The following MACROD2 variants were observed in gnomAD, a reference collection of about 807,000 sequenced individuals.
MACROD2 encodes mono-ADP ribosylhydrolase 2.
Under a neutral mutation model 70.4 loss-of-function variants are expected in MACROD2, and 36 were observed. The observed-to-expected ratio is 0.51, with a 90% CI of 0.39 to 0.68. The LOEUF is 0.68. Among genes scored for constraint, MACROD2 ranks in the 30% least tolerant of loss-of-function variants. The probability of loss-of-function intolerance (pLI) is 0.00; values close to 1 mark genes in which losing one functional copy is unlikely to be tolerated. For synonymous variants in MACROD2, 172 were observed against 178.8 expected, an observed-to-expected ratio of 0.96 and a Z score of 0.30; for missense variants, 496 against 538.4, an observed-to-expected ratio of 0.92 and a Z score of 0.78.
intron 3 of MACROD2, among the ~76,000 whole-genome samples, chr20:14,464,285 T>G (rs970566033): frequency 2.0e-5 from 3 of 152,108 alleles, no homozygotes; most frequent in African/African-American, 7.3e-5. Context: ...GTCGAGGAAT[T>G]TATCCATTTC....
At chr20:14,289,515 G>T (rs896927245) in intron 3 of MACROD2, among the ~76,000 whole-genome samples, 4 of 152,096 alleles carry the variant, frequency 2.6e-5, no homozygotes, top group Non-Finnish European at 5.9e-5. Flanking sequence ...AACTAACATT[G>T]ATTCAATGCT....
chr20:14,463,642 C>G (rs1407807688), intron 3 of MACROD2, among the ~76,000 whole-genome samples: 1 of 152,030 alleles, frequency 6.6e-6, no homozygotes, highest in African/African-American at 2.4e-5. Flanking sequence ...CCAGTTTTTG[C>G]CCATTCAGTA....
Position 15,962,260 on chromosome 20 carries a change from A to T in MACROD2, c.908-5293A>T, listed in dbSNP as rs77266439. Reference sequence around the variant, plus strand: ...GGAAGAGTGGGAACATTTACAAAGAAGTGTTGCTGGAACAAAGAGATAATT... The same window carrying T: ...GGAAGAGTGGGAACATTTACAAAGATGTGTTGCTGGAACAAAGAGATAATT... On this transcript the variant is annotated intron_variant, in intron 12 of 17. Transcript: ENST00000684519. 5.5e-4 allele frequency among the ~76,000 whole-genome samples: 84 copies of T among 152,332 alleles called. No homozygotes were observed. In the East Asian group the frequency reaches 0.011, roughly 20 times the overall value.
At chr20:15,985,582 C>T (rs1368029776) in intron 13 of MACROD2, among the ~76,000 whole-genome samples, 1 of 152,222 alleles carries the variant, frequency 6.6e-6, no homozygotes, top group African/African-American at 2.4e-5. Context: ...CGGGGGCCTG[C>T]TATGCGCTGC....
intron 8 of MACROD2, among the ~76,000 whole-genome samples, chr20:15,819,296 A>T (rs1453525290): frequency 7.3e-6 from 1 of 137,434 alleles, no homozygotes; most frequent in African/African-American, 2.9e-5. Context: ...TTTATATATA[A>T]GTATATAAAT....
chr20:16,003,509 T>G (rs541205389), intron 15 of MACROD2, among the ~76,000 whole-genome samples: 1 of 152,192 alleles, frequency 6.6e-6, no homozygotes, highest in Non-Finnish European at 1.5e-5. Context: ...CTGCTTAGTC[T>G]GCCAGTAACC....
intron 3 of MACROD2, among the ~76,000 whole-genome samples, chr20:14,189,772 A>G (rs1211954032): frequency 1.3e-5 from 2 of 152,198 alleles, no homozygotes; most frequent in Non-Finnish European, 2.9e-5. Flanking sequence ...AGATCTCTCA[A>G]CTGTATTCTA....
chr20:15,771,541 T>C (rs1327363141), intron 8 of MACROD2, among the ~76,000 whole-genome samples: 2 of 151,234 alleles, frequency 1.3e-5, no homozygotes, highest in Non-Finnish European at 2.9e-5. Flanking sequence ...CTAAATTTTC[T>C]ATTTAAAAAA....
At chr20:14,929,943 T>C (rs353143) in intron 5 of MACROD2, among the ~76,000 whole-genome samples, 6,598 of 151,936 alleles carry the variant, frequency 0.043, 181 homozygotes, top group Non-Finnish European at 0.063. Flanking sequence ...AGGCGGATCA[T>C]GAGGTCAGGA....
chr20:14,650,633 A>G (rs1451335146), intron 4 of MACROD2, among the ~76,000 whole-genome samples: 2 of 152,200 alleles, frequency 1.3e-5, no homozygotes, highest in African/African-American at 4.8e-5. Context: ...AAACAGCTGG[A>G]TGTTCTTCTG....
At chr20:14,535,505 CAAAAAAA>C (rs11357982) in intron 4 of MACROD2, among the ~76,000 whole-genome samples, 2 of 62,998 alleles carry the variant, frequency 3.2e-5, no homozygotes, top group Non-Finnish European at 5.9e-5. Context: ...AACTCCGTCT[CAAAAAAA>C]AAAAAAAAAA....
chr20:15,143,162 C>T (rs1326419398), intron 5 of MACROD2, among the ~76,000 whole-genome samples: 4 of 152,172 alleles, frequency 2.6e-5, no homozygotes, highest in Admixed American at 1.3e-4. Flanking sequence ...TCCACATCCT[C>T]TCCAGCACCT....
chr20:15,830,423 C>T (rs557468110), intron 8 of MACROD2, among the ~76,000 whole-genome samples: 12 of 152,248 alleles, frequency 7.9e-5, no homozygotes, highest in African/African-American at 2.6e-4. Context: ...ATTCCATAGC[C>T]AGGGTTTTAT....
intron 8 of MACROD2, among the ~76,000 whole-genome samples, chr20:15,512,910 G>T (rs1400361588): frequency 6.6e-6 from 1 of 152,222 alleles, no homozygotes; most frequent in Non-Finnish European, 1.5e-5. Context: ...ATTTGACAGT[G>T]CAAATGGAGC....
At chr20:14,244,609 T>C (rs2081954826) in intron 3 of MACROD2, among the ~76,000 whole-genome samples, 1 of 152,210 alleles carries the variant, frequency 6.6e-6, no homozygotes, top group Non-Finnish European at 1.5e-5. Context: ...TATGTCCTTT[T>C]TCTGGCCTCC....
chr20:14,902,299 C>G (rs1180979336), intron 5 of MACROD2, among the ~76,000 whole-genome samples: 1 of 151,978 alleles, frequency 6.6e-6, no homozygotes, highest in Non-Finnish European at 1.5e-5. Flanking sequence ...CCCCTTTTTC[C>G]TCTTCATTTA....
intron 3 of MACROD2, among the ~76,000 whole-genome samples, chr20:14,404,108 T>C (rs375575183): frequency 6.6e-5 from 10 of 152,172 alleles, no homozygotes; most frequent in African/African-American, 2.4e-4. Context: ...TAGGGAAATA[T>C]AGATGTGAGG....
At chr20:14,355,577 TG>T (rs11477322) in intron 3 of MACROD2, among the ~76,000 whole-genome samples, 29,440 of 152,066 alleles carry the variant, frequency 0.19, 2,980 homozygotes, top group East Asian at 0.3. Context: ...GTGGTTTTTT[TG>T]TGATGACATG....
intron 8 of MACROD2, among the ~76,000 whole-genome samples, chr20:15,540,583 A>T (rs373758708): frequency 6.6e-6 from 1 of 152,222 alleles, no homozygotes. Flanking sequence ...TCCCAGGTCA[A>T]TTGGGTTGAT....
Sources: gnomAD v4.1 joint callset for allele counts (sites outside exome capture counted in the v4.1 genomes callset) on GRCh38, gnomAD v4.1.1 for gene constraint, MANE v1.5 for transcripts, NCBI Gene and HGNC (gene_info 2026-07-23, HGNC 2026-07-21) for gene names.